The following ORC4 variants were observed in gnomAD, a reference collection of about 807,000 sequenced individuals.
ORC4 encodes the protein origin recognition complex, subunit 4 homolog.
In ORC4, 55 loss-of-function variants were observed where a neutral mutation model predicts 63.9. That is an observed-to-expected ratio of 0.86 (90% CI 0.69 to 1.08). The LOEUF (loss-of-function observed/expected upper bound fraction) is 1.08. ORC4 is among the 50% of genes least tolerant of loss of function. The pLI, the probability that ORC4 is intolerant of heterozygous loss-of-function variation, is 0.00. For synonymous variants in ORC4, 150 were observed against 168.5 expected (o/e 0.89, Z 0.85); for missense variants, 511 against 504.4 (o/e 1.01, Z -0.13).
chr2:147,974,775 T>C (rs1005310200), intron 2 of ORC4, among the ~76,000 whole-genome samples: 5 of 139,450 alleles, frequency 3.6e-5, no homozygotes, highest in African/African-American at 1.3e-4. Flanking sequence ...TCTACCTAGA[T>C]GAGATCAAAA....
In ORC4 at chr2:147,934,279, A is replaced by G. The variant is rs1687926837; in HGVS notation, c.*1231T>C. The G allele has an allele frequency of 6.6e-6, 1 of 152,228 alleles. No homozygotes were observed. Among genetic ancestry groups the G allele is most frequent in the Admixed American group, 6.5e-5 (1 of 15,270 alleles). The allele number at this position is 152,228 out of a possible 1,614,324, so 9.4% of individuals were successfully genotyped here. A position where few individuals can be genotyped will look rare whatever the true frequency, so the allele number is the denominator to read the frequency against. The stretch of plus-strand genomic sequence containing the variant: ...AAACCTCCCATGCACACAATAGGAA[A>G]TCAAATATTCTTGAACAAATGAAGT... On this transcript the variant is annotated 3_prime_UTR_variant, in exon 14 of 14. Coordinates refer to ENST00000392857, the MANE Select transcript of ORC4 (RefSeq NM_181741.4).
intron 4 of ORC4, among the ~76,000 whole-genome samples, chr2:147,963,214 G>A (rs146687870): frequency 2.0e-5 from 3 of 152,292 alleles, no homozygotes; most frequent in African/African-American, 7.2e-5. Flanking sequence ...TACCCTAGCT[G>A]GCTGAGCAGC....
intron 1 of ORC4, among the ~76,000 whole-genome samples, chr2:148,008,178 A>AG (rs1178382192): frequency 6.6e-6 from 1 of 152,220 alleles, no homozygotes; most frequent in Non-Finnish European, 1.5e-5. Flanking sequence ...CTGAAAGAAA[A>AG]GGACATTAAC....
At chr2:148,017,232 T>C (rs936809930) in intron 1 of ORC4, among the ~76,000 whole-genome samples, 5 of 152,250 alleles carry the variant, frequency 3.3e-5, no homozygotes, top group Non-Finnish European at 5.9e-5. Flanking sequence ...AAATCAATTA[T>C]AATTTCAACA....
intron 4 of ORC4, among the ~76,000 whole-genome samples, chr2:147,962,552 T>C (rs1407847712): frequency 6.6e-6 from 1 of 152,048 alleles, no homozygotes; most frequent in Non-Finnish European, 1.5e-5. Flanking sequence ...GAGCCTATAA[T>C]TGGTTATGAC....
chr2:147,979,475 G>A (rs1002571514), intron 1 of ORC4, among the ~76,000 whole-genome samples: 25 of 152,008 alleles, frequency 1.6e-4, no homozygotes, highest in African/African-American at 4.3e-4. Flanking sequence ...CATGTTCATG[G>A]ACTGAAAGAA....
chr2:147,990,492 C>A lies in ORC4; in HGVS notation c.-17-14517G>T, dbSNP rs564078982. Among the ~76,000 whole-genome samples, 45 of 152,176 alleles carry A rather than the reference C, an allele frequency of 3.0e-4. No individual in the cohort carries two copies. In the Middle Eastern group the frequency reaches 0.01, roughly 35 times the overall value. ...ATAAGGGCCAATACTGATATATATT[C>A]CAAGTTAGAAAATAAGTAAACTCTG... On this transcript the variant is annotated intron_variant, in intron 1 of 13. Transcript: ENST00000392857.
In ORC4 at chr2:147,932,671, GT is replaced by G. The variant is rs1398154665; in HGVS notation, c.*2838del. The G allele has an allele frequency of 1.3e-5, 2 of 152,118 alleles. No individual in the cohort carries two copies. Among genetic ancestry groups the G allele is most frequent in the African/African-American group, 2.4e-5 (1 of 41,428 alleles). The allele number at this position is 152,118 out of a possible 1,614,324, so 9.4% of individuals were successfully genotyped here. A position where few individuals can be genotyped will look rare whatever the true frequency, so the allele number is the denominator to read the frequency against. On this transcript the variant is annotated 3_prime_UTR_variant, in exon 14 of 14. Transcript: ENST00000392857. ...AGATTATATTCCCACTAAAGTATGT[GT>G]GTTGGTCCTGCCAGTATTAGAAACC...
At chr2:148,013,967 T>C (rs142353798) in intron 1 of ORC4, among the ~76,000 whole-genome samples, 519 of 152,284 alleles carry the variant, frequency 3.4e-3, no homozygotes, top group East Asian at 8.3e-3. Context: ...GTAACTTTTG[T>C]TCTGAGGACA....
At chr2:147,958,632 ATTATT>A in intron 5 of ORC4, 154 bp downstream of exon 5, 1 of 586,584 alleles carries the variant, frequency 1.7e-6, no homozygotes, top group South Asian at 2.5e-5. Flanking sequence ...CTTCATTATT[ATTATT>A]TTAATTTCTA....
chr2:148,003,063 A>C (rs1222294593), intron 1 of ORC4, among the ~76,000 whole-genome samples: 2 of 152,234 alleles, frequency 1.3e-5, no homozygotes, highest in Non-Finnish European at 2.9e-5. Flanking sequence ...TAAACCAGGA[A>C]GAAGTCGAAT....
At chr2:147,983,008 C>T (rs1172950844) in intron 1 of ORC4, among the ~76,000 whole-genome samples, 1 of 152,132 alleles carries the variant, frequency 6.6e-6, no homozygotes, top group African/African-American at 2.4e-5. Context: ...TAGGAAAATG[C>T]AAAGTAAAAC....
intron 4 of ORC4, among the ~76,000 whole-genome samples, chr2:147,965,752 C>G (rs1217131861): frequency 6.6e-6 from 1 of 152,172 alleles, no homozygotes; most frequent in Non-Finnish European, 1.5e-5. Context: ...TTTCACCCAA[C>G]AACTGCAGAA....
At position 147,940,150 on chromosome 2, in the gene ORC4, T is replaced by C. The variant is rs1214686510; in HGVS notation, c.850-902A>G. 1.7e-4 allele frequency among the ~76,000 whole-genome samples: 26 copies of C among 152,120 alleles called. 1 individual carries two copies. Among genetic ancestry groups the C allele is most frequent in the Admixed American group, 1.7e-3 (26 of 15,242 alleles). Reference sequence around the variant, plus strand: ...CTCCCTTTCTCTCTCCTTTCCTTTTTCCTTTAGTTATTAATTTTTTAATTT... The same window carrying C: ...CTCCCTTTCTCTCTCCTTTCCTTTTCCCTTTAGTTATTAATTTTTTAATTT... On this transcript the variant is annotated intron_variant, in intron 10 of 13. Coordinates refer to ENST00000392857, the MANE Select transcript of ORC4 (RefSeq NM_181741.4).
At chr2:147,954,806 T>C (rs1418610403) in intron 7 of ORC4, among the ~76,000 whole-genome samples, 4 of 152,092 alleles carry the variant, frequency 2.6e-5, no homozygotes, top group African/African-American at 9.7e-5. Context: ...GTTTTTGAGG[T>C]TGTGAAGAAA....
intron 8 of ORC4, among the ~76,000 whole-genome samples, chr2:147,949,665 G>C (rs1055174458): frequency 6.6e-6 from 1 of 152,062 alleles, no homozygotes; most frequent in African/African-American, 2.4e-5. Context: ...TTTTTAAAGA[G>C]CTCTTATCTC....
chr2:147,957,394 C>CG (rs1689324641), intron 6 of ORC4, among the ~76,000 whole-genome samples: 1 of 151,738 alleles, frequency 6.6e-6, no homozygotes, highest in Non-Finnish European at 1.5e-5. Context: ...GCGATGCCAC[C>CG]GCATGGTCAC....
chr2:147,961,507 T>A (rs986261169), intron 4 of ORC4, among the ~76,000 whole-genome samples: 1 of 151,886 alleles, frequency 6.6e-6, no homozygotes, highest in Non-Finnish European at 1.5e-5. Context: ...AAATAAATTA[T>A]ATCTGACAAT....
Position 147,934,333 on chromosome 2 carries a change from A to G in ORC4, c.*1177T>C, listed in dbSNP as rs904105190. 1 of 152,210 alleles carries G rather than the reference A, an allele frequency of 6.6e-6. No homozygotes were observed. Among genetic ancestry groups the G allele is most frequent in the African/African-American group, 2.4e-5 (1 of 41,468 alleles). The allele number at this position is 152,210 out of a possible 1,614,324, so 9.4% of individuals were successfully genotyped here. A position where few individuals can be genotyped will look rare whatever the true frequency, so the allele number is the denominator to read the frequency against. Reference sequence around the variant, plus strand: ...TAAGTGCTCATTAAATTTCATTTTAAATATATGCCTCTGTTAATTCATGGA... The same window carrying G: ...TAAGTGCTCATTAAATTTCATTTTAGATATATGCCTCTGTTAATTCATGGA... On this transcript the variant is annotated 3_prime_UTR_variant, in exon 14 of 14. Transcript: ENST00000392857.
Sources: allele counts gnomAD v4.1 joint callset (sites outside exome capture counted in the v4.1 genomes callset), GRCh38; gene constraint gnomAD v4.1.1; transcripts MANE v1.5; gene names NCBI Gene and HGNC (gene_info 2026-07-23, HGNC 2026-07-21).